Variants in LSAMP observed in about 807,000 individuals in gnomAD.
The protein encoded by LSAMP is limbic system associated membrane protein.
In LSAMP, 7 loss-of-function variants were observed where a neutral mutation model predicts 38.6. The ratio of observed to expected loss-of-function variants is 0.18; its 90% confidence interval spans 0.10 to 0.34. The LOEUF is 0.34. Ranked by LOEUF, LSAMP falls within the 10% of genes least tolerant of loss-of-function variation. LSAMP has a pLI of 1.00. For missense variants in LSAMP, 313 were observed against 420.0 expected, an observed-to-expected ratio of 0.75 and a Z score of 2.23; for synonymous variants, 154 against 166.8, an observed-to-expected ratio of 0.92 and a Z score of 0.59.
chr3:116,043,753 G>A (rs1210924753), intron 2 of LSAMP, among the ~76,000 whole-genome samples: 1 of 152,220 alleles, frequency 6.6e-6, no homozygotes, highest in Non-Finnish European at 1.5e-5. Flanking sequence ...AGACCATCCT[G>A]GCTAACACGG....
intron 2 of LSAMP, among the ~76,000 whole-genome samples, chr3:116,050,811 C>A (rs561013052): frequency 1.3e-5 from 2 of 152,262 alleles, no homozygotes; most frequent in South Asian, 4.1e-4. Context: ...CTATGAAATT[C>A]TGTCTTTTTT....
chr3:116,114,188 C>T (rs1290781846), intron 1 of LSAMP, among the ~76,000 whole-genome samples: 3 of 152,190 alleles, frequency 2.0e-5, no homozygotes, highest in African/African-American at 7.2e-5. Flanking sequence ...ATACCTATAG[C>T]ACCCCATGCT....
intron 1 of LSAMP, among the ~76,000 whole-genome samples, chr3:116,288,361 G>A (rs934011223): frequency 2.0e-5 from 3 of 152,182 alleles, no homozygotes; most frequent in African/African-American, 7.2e-5. Flanking sequence ...GGGTAACACA[G>A]AACAGTTGTT....
At chr3:116,177,854 C>A (rs1007161622) in intron 1 of LSAMP, among the ~76,000 whole-genome samples, 5 of 152,100 alleles carry the variant, frequency 3.3e-5, no homozygotes, top group African/African-American at 1.2e-4. Context: ...AAAAAAATGT[C>A]CCTGACTTGT....
At chr3:115,882,280 C>T (rs1355335146) in intron 3 of LSAMP, among the ~76,000 whole-genome samples, 1 of 152,070 alleles carries the variant, frequency 6.6e-6, no homozygotes, top group Admixed American at 6.6e-5. Flanking sequence ...AACTACCCAC[C>T]TTGTACCAGG....
intron 1 of LSAMP, among the ~76,000 whole-genome samples, chr3:116,113,274 T>G (rs1381637172): frequency 6.7e-6 from 1 of 148,210 alleles, no homozygotes; most frequent in East Asian, 1.9e-4. Context: ...TTGGCCATGT[T>G]AAGTCATTCT....
intron 5 of LSAMP, 127 bp from the exon 6 acceptor site, chr3:115,842,120 C>T: frequency 1.1e-6 from 1 of 942,046 alleles, no homozygotes. Flanking sequence ...TTGTTCCATG[C>T]CCAATTCCTA....
At chr3:115,834,900 T>C (rs1934734239) in intron 6 of LSAMP, among the ~76,000 whole-genome samples, 1 of 152,108 alleles carries the variant, frequency 6.6e-6, no homozygotes, top group Admixed American at 6.5e-5. Flanking sequence ...ATTTTAGATC[T>C]TTTAGAGAGT....
rs1231754545 is a variant in LSAMP at position 115,803,531 on chromosome 3, A to G, written c.*6786T>C. 1 of 152,186 alleles carries G rather than the reference A, an allele frequency of 6.6e-6. No individual in the cohort carries two copies. The highest frequency in any genetic ancestry group is 1.5e-5 in the Non-Finnish European group (1 of 68,038). 9.4% of individuals were successfully genotyped at this position (152,186 alleles called of 1,614,324 possible). A position where few individuals can be genotyped will look rare whatever the true frequency, so the allele number is the denominator to read the frequency against. ...TTTCTGCTTACCCTTTTCTCAGAGAACCTAACTTTCACATTTGATTTTGGC... is the reference window on the plus strand; with the variant it reads ...TTTCTGCTTACCCTTTTCTCAGAGAGCCTAACTTTCACATTTGATTTTGGC... On this transcript the variant is annotated 3_prime_UTR_variant, in exon 7 of 7. Coordinates refer to ENST00000490035, the MANE Select transcript of LSAMP (RefSeq NM_002338.5).
chr3:116,336,844 T>G (rs778797021), intron 1 of LSAMP, among the ~76,000 whole-genome samples: 36 of 152,000 alleles, frequency 2.4e-4, no homozygotes, highest in Admixed American at 7.2e-4. Flanking sequence ...TATATACCCA[T>G]GTTCACAGTA....
At chr3:116,366,018 A>AAAT (rs2048347825) in intron 1 of LSAMP, among the ~76,000 whole-genome samples, 1 of 139,812 alleles carries the variant, frequency 7.2e-6, no homozygotes, top group Non-Finnish European at 1.5e-5. Flanking sequence ...TATAATAAAA[A>AAAT]AAAAAAAAAA....
At chr3:116,147,553 C>T (rs1709517405) in intron 1 of LSAMP, among the ~76,000 whole-genome samples, 1 of 151,968 alleles carries the variant, frequency 6.6e-6, no homozygotes, top group African/African-American at 2.4e-5. Context: ...TCTTTTCTCA[C>T]AATCAAGTTA....
chr3:115,823,148 A>G (rs998239648), intron 6 of LSAMP, among the ~76,000 whole-genome samples: 2 of 152,266 alleles, frequency 1.3e-5, no homozygotes, highest in Non-Finnish European at 2.9e-5. Flanking sequence ...TAAAGGAAAA[A>G]TATTAATGCG....
At chr3:115,962,849 AGGG>A (rs1938674136) in intron 3 of LSAMP, among the ~76,000 whole-genome samples, 1 of 152,200 alleles carries the variant, frequency 6.6e-6, no homozygotes, top group African/African-American at 2.4e-5. Context: ...TAGGCCTCAG[AGGG>A]CACCCAGTCT....
chr3:115,998,188 T>C (rs1483158005), intron 3 of LSAMP, among the ~76,000 whole-genome samples: 1 of 151,260 alleles, frequency 6.6e-6, no homozygotes, highest in African/African-American at 2.4e-5. Context: ...GAGGGTGGGG[T>C]GATAGAGAGT....
intron 2 of LSAMP, among the ~76,000 whole-genome samples, chr3:116,060,533 G>C (rs1053108127): frequency 6.6e-5 from 10 of 152,182 alleles, no homozygotes; most frequent in African/African-American, 2.4e-4. Flanking sequence ...GGCTGAGGCG[G>C]GTGGATCATC....
intron 3 of LSAMP, among the ~76,000 whole-genome samples, chr3:115,927,919 C>T (rs1432485837): frequency 6.6e-6 from 1 of 152,188 alleles, no homozygotes; most frequent in Non-Finnish European, 1.5e-5. Flanking sequence ...TTTTTCATTT[C>T]TCCAAGGAAT....
chr3:115,865,122 A>G (rs1233003222), intron 3 of LSAMP, among the ~76,000 whole-genome samples: 2 of 152,214 alleles, frequency 1.3e-5, no homozygotes, highest in African/African-American at 2.4e-5. Flanking sequence ...AAGACACTTA[A>G]TAATTGCAAG....
At chr3:116,169,217 T>A (rs1185969820) in intron 1 of LSAMP, among the ~76,000 whole-genome samples, 3 of 152,110 alleles carry the variant, frequency 2.0e-5, no homozygotes, top group South Asian at 4.2e-4. Flanking sequence ...CGATAATAGA[T>A]AAATAAATAG....
Sources: allele counts gnomAD v4.1 joint callset (sites outside exome capture counted in the v4.1 genomes callset), GRCh38; gene constraint gnomAD v4.1.1; transcripts MANE v1.5; gene names NCBI Gene and HGNC (gene_info 2026-07-23, HGNC 2026-07-21).